MACROD2: variants seen among roughly 807,000 people sequenced by gnomAD.
The protein encoded by MACROD2 is mono-ADP ribosylhydrolase 2, also known as ADP-ribose glycohydrolase MACROD2.
Under a neutral mutation model 70.4 loss-of-function variants are expected in MACROD2, and 36 were observed. The observed-to-expected ratio is 0.51, with a 90% confidence interval of 0.39 to 0.68. The LOEUF is 0.68. MACROD2 is among the 30% of genes least tolerant of loss of function. The probability of loss-of-function intolerance (pLI) is 0.00; values close to 1 mark genes in which losing one functional copy is unlikely to be tolerated. For missense variants in MACROD2, 496 were observed against 538.4 expected, an observed-to-expected ratio of 0.92 and a Z score of 0.78; for synonymous variants, 172 against 178.8, an observed-to-expected ratio of 0.96 and a Z score of 0.30.
chr20:15,111,766 G>C (rs988783501), intron 5 of MACROD2, among the ~76,000 whole-genome samples: 1 of 152,186 alleles, frequency 6.6e-6, no homozygotes, highest in African/African-American at 2.4e-5. Context: ...AAAACTTTCA[G>C]TGAACTTAGG....
intron 12 of MACROD2, among the ~76,000 whole-genome samples, chr20:15,952,643 C>A (rs920074913): frequency 6.6e-6 from 1 of 152,172 alleles, no homozygotes; most frequent in Non-Finnish European, 1.5e-5. Flanking sequence ...ACAGTATTGT[C>A]CATGGTCAAA....
chr20:15,086,356 A>G, intron 5 of MACROD2, among the ~76,000 whole-genome samples: 1 of 152,134 alleles, frequency 6.6e-6, no homozygotes, highest in African/African-American at 2.4e-5. Context: ...TTTGAATAAA[A>G]TTTCTTCCCA....
At chr20:15,908,082 G>A (rs2065174769) in intron 10 of MACROD2, among the ~76,000 whole-genome samples, 1 of 152,034 alleles carries the variant, frequency 6.6e-6, no homozygotes, top group South Asian at 2.1e-4. Context: ...GTATCTTTTG[G>A]AGGGTACAGA....
chr20:14,391,512 A>G (rs2083526541), intron 3 of MACROD2, among the ~76,000 whole-genome samples: 1 of 151,994 alleles, frequency 6.6e-6, no homozygotes. Flanking sequence ...AAAAATAACT[A>G]ATGGGCACTA....
chr20:15,018,689 C>T (rs1350938480), intron 5 of MACROD2, among the ~76,000 whole-genome samples: 2 of 152,130 alleles, frequency 1.3e-5, no homozygotes, highest in African/African-American at 4.8e-5. Flanking sequence ...CTCCTTTTCA[C>T]GTTTTTCTGC....
intron 9 of MACROD2, among the ~76,000 whole-genome samples, chr20:15,869,899 G>A (rs1410949463): frequency 5.3e-5 from 8 of 151,960 alleles, no homozygotes; most frequent in Non-Finnish European, 1.5e-5. Context: ...ACTTGAGTAC[G>A]TGAACATATT....
intron 15 of MACROD2, among the ~76,000 whole-genome samples, chr20:16,015,480 C>T (rs1012731230): frequency 6.6e-6 from 1 of 152,160 alleles, no homozygotes; most frequent in Admixed American, 6.5e-5. Context: ...TGAATAGGCT[C>T]TCTTACAGAA....
At chr20:15,340,738 T>C (rs559805119) in intron 6 of MACROD2, among the ~76,000 whole-genome samples, 43 of 152,074 alleles carry the variant, frequency 2.8e-4, no homozygotes, top group Middle Eastern at 3.5e-3. Context: ...CTACAAATCA[T>C]GCTTCTCTGT....
chr20:15,201,938 C>G (rs1035567979), intron 5 of MACROD2, among the ~76,000 whole-genome samples: 3 of 152,060 alleles, frequency 2.0e-5, no homozygotes, highest in Non-Finnish European at 4.4e-5. Context: ...TCCCAGTGAC[C>G]AAAGTAAATT....
At chr20:14,084,982 G>A (rs2054058215) in intron 2 of MACROD2, among the ~76,000 whole-genome samples, 1 of 146,582 alleles carries the variant, frequency 6.8e-6, no homozygotes, top group African/African-American at 2.5e-5. Flanking sequence ...AATTAGATGG[G>A]CATGGCATGG....
At chr20:14,857,736 A>T (rs564635559) in intron 5 of MACROD2, among the ~76,000 whole-genome samples, 1 of 152,326 alleles carries the variant, frequency 6.6e-6, no homozygotes, top group East Asian at 1.9e-4. Context: ...TAAGTTCAAT[A>T]AAATTAAACA....
intron 8 of MACROD2, among the ~76,000 whole-genome samples, chr20:15,646,072 CG>C (rs527672175): frequency 5.9e-4 from 90 of 152,060 alleles, no homozygotes; most frequent in Non-Finnish European, 9.9e-4. Context: ...TTCTTTTTCT[CG>C]GGGTTTCTTT....
intron 15 of MACROD2, among the ~76,000 whole-genome samples, chr20:16,004,844 A>T (rs775115): frequency 0.22 from 32,975 of 152,208 alleles, 3,691 homozygotes; most frequent in South Asian, 0.32. Flanking sequence ...CCTGTCTGGC[A>T]TCAGCGGGGC....
At chr20:15,968,796 CGTATATATAT>C (rs1353472871) in intron 13 of MACROD2, among the ~76,000 whole-genome samples, 50 of 50,224 alleles carry the variant, frequency 1.0e-3, no homozygotes, top group South Asian at 2.9e-3. Context: ...ATATATTATG[CGTATATATAT>C]ATATATATAT....
At chr20:14,657,538 G>A (rs964045980) in intron 4 of MACROD2, among the ~76,000 whole-genome samples, 1 of 152,140 alleles carries the variant, frequency 6.6e-6, no homozygotes, top group Non-Finnish European at 1.5e-5. Flanking sequence ...AATTACTAGG[G>A]GGTTTCTTTG....
At chr20:14,697,483 G>T (rs1378134975) in intron 5 of MACROD2, among the ~76,000 whole-genome samples, 1 of 152,148 alleles carries the variant, frequency 6.6e-6, no homozygotes, top group African/African-American at 2.4e-5. Context: ...TCTGTGTTGT[G>T]CAATGGCAGG....
Position 15,039,408 on chromosome 20 carries a change from A to G in MACROD2, c.419-190532A>G, listed in dbSNP as rs182162491. 2.0e-5 allele frequency among the ~76,000 whole-genome samples: 3 copies of G among 152,264 alleles called. No homozygotes were observed. In the East Asian group the frequency reaches 5.8e-4, roughly 29 times the overall value. ...TAGGTTTTATGGCTTTCTTTGGGGAAGAGGAGTTGTAGTTTCTATGACACA... is the reference window on the plus strand; with the variant it reads ...TAGGTTTTATGGCTTTCTTTGGGGAGGAGGAGTTGTAGTTTCTATGACACA... On this transcript the variant is annotated intron_variant, in intron 5 of 17. Coordinates refer to ENST00000684519, the MANE Select transcript of MACROD2 (RefSeq NM_001351661.2).
chr20:14,647,717 A>G (rs562705748), intron 4 of MACROD2, among the ~76,000 whole-genome samples: 1 of 152,222 alleles, frequency 6.6e-6, no homozygotes, highest in South Asian at 2.1e-4. Context: ...AATAGGACAG[A>G]TAAATATTCC....
intron 8 of MACROD2, among the ~76,000 whole-genome samples, chr20:15,681,958 ATTC>A (rs1000233853): frequency 2.6e-5 from 4 of 152,204 alleles, no homozygotes; most frequent in African/African-American, 9.7e-5. Context: ...ATTGGTGGCC[ATTC>A]TTCTGAATAG....
Sources: allele counts gnomAD v4.1 joint callset (sites outside exome capture counted in the v4.1 genomes callset), GRCh38; gene constraint gnomAD v4.1.1; transcripts MANE v1.5; gene names NCBI Gene and HGNC (gene_info 2026-07-23, HGNC 2026-07-21).